Variants in SLC71A2 observed in about 807,000 individuals in gnomAD.
The protein encoded by SLC71A2 is hippocampus abundant transcript-like 1.
At chr9:94,427,822 G>A in the SLC71A2 span, among the ~76,000 whole-genome samples, 2 of 145,860 alleles carry the variant, frequency 1.4e-5, no homozygotes, top group African/African-American at 5.2e-5. Flanking sequence ...GAGACAATGG[G>A]TTAATAATGG....
At chr9:94,424,293 GGT>G in the SLC71A2 span, among the ~76,000 whole-genome samples, 1 of 151,968 alleles carries the variant, frequency 6.6e-6, no homozygotes, top group East Asian at 1.9e-4. Flanking sequence ...GGAGTGCAGT[GGT>G]GCGATCTCGG....
At chr9:94,459,506 C>A in the SLC71A2 span, 1 of 1,365,944 alleles carries the variant, frequency 7.3e-7, no homozygotes, top group South Asian at 1.4e-5. Flanking sequence ...ATGGGAGACG[C>A]TAGCGGCATC....
At chr9:94,416,507 C>T in the SLC71A2 span, among the ~76,000 whole-genome samples, 21 of 152,324 alleles carry the variant, frequency 1.4e-4, no homozygotes, top group South Asian at 8.3e-4. Context: ...GTTAGCCTTA[C>T]GTAAGACTTT....
At chr9:94,399,176 T>G in the SLC71A2 span, among the ~76,000 whole-genome samples, 1 of 152,210 alleles carries the variant, frequency 6.6e-6, no homozygotes, top group African/African-American at 2.4e-5. Context: ...ACAGTTGTTT[T>G]GGGGGCCTGA....
chr9:94,453,797 C>T, the SLC71A2 span, among the ~76,000 whole-genome samples: 1 of 152,136 alleles, frequency 6.6e-6, no homozygotes, highest in Admixed American at 6.5e-5. Context: ...CACTCCACCC[C>T]TGTAGAAGGT....
chr9:94,382,017 T>C, the SLC71A2 span, among the ~76,000 whole-genome samples: 3 of 151,912 alleles, frequency 2.0e-5, no homozygotes, highest in African/African-American at 7.3e-5. Flanking sequence ...TCAGTATCTT[T>C]CCATAAGTTT....
chr9:94,448,987 G>A, the SLC71A2 span, among the ~76,000 whole-genome samples: 22 of 152,182 alleles, frequency 1.4e-4, no homozygotes, highest in African/African-American at 4.8e-4. Context: ...TAGAGATTTA[G>A]AGGGAAGAAT....
chr9:94,456,693 C>T, the SLC71A2 span, among the ~76,000 whole-genome samples: 4 of 152,080 alleles, frequency 2.6e-5, no homozygotes, highest in Non-Finnish European at 4.4e-5. Flanking sequence ...CAGTTAACCA[C>T]GAGTTACTTA....
chr9:94,400,380 A>G, the SLC71A2 span, among the ~76,000 whole-genome samples: 7 of 152,014 alleles, frequency 4.6e-5, no homozygotes, highest in Non-Finnish European at 8.8e-5. Context: ...GGAGACAAAT[A>G]TAAGTTTTAG....
chr9:94,404,728 C>T, the SLC71A2 span, among the ~76,000 whole-genome samples: 1 of 152,112 alleles, frequency 6.6e-6, no homozygotes, highest in Admixed American at 6.6e-5. Flanking sequence ...ATTATATATT[C>T]TAGGTATTAA....
chr9:94,453,711 C>T, the SLC71A2 span, among the ~76,000 whole-genome samples: 1 of 152,170 alleles, frequency 6.6e-6, no homozygotes, highest in African/African-American at 2.4e-5. Flanking sequence ...GAAGTGCCAG[C>T]AGAGCACCAG....
At chr9:94,401,287 T>G in the SLC71A2 span, among the ~76,000 whole-genome samples, 1 of 152,122 alleles carries the variant, frequency 6.6e-6, no homozygotes, top group African/African-American at 2.4e-5. Flanking sequence ...TTCTCCTGCC[T>G]CAGCCTCCCA....
the SLC71A2 span, among the ~76,000 whole-genome samples, chr9:94,455,269 A>C: frequency 1.4e-5 from 2 of 147,402 alleles, no homozygotes; most frequent in East Asian, 3.9e-4. Flanking sequence ...GCCAGCCTCA[A>C]GCGATCCTCC....
chr9:94,458,823 T>C, the SLC71A2 span, among the ~76,000 whole-genome samples: 1 of 152,194 alleles, frequency 6.6e-6, no homozygotes, highest in Non-Finnish European at 1.5e-5. Context: ...TTGTTCCCTC[T>C]AAGCCATATC....
chr9:94,394,297 A>T, the SLC71A2 span, among the ~76,000 whole-genome samples: 2 of 98,886 alleles, frequency 2.0e-5, no homozygotes, highest in Non-Finnish European at 4.5e-5. Context: ...TGGAGAGATA[A>T]CCAGTAAAAT....
At chr9:94,452,559 T>G in the SLC71A2 span, among the ~76,000 whole-genome samples, 29 of 151,064 alleles carry the variant, frequency 1.9e-4, no homozygotes, top group Non-Finnish European at 3.1e-4. Flanking sequence ...ATTGCGCCAC[T>G]GCACTCCAGC....
the SLC71A2 span, chr9:94,456,338 G>T: frequency 1.2e-6 from 2 of 1,612,608 alleles, no homozygotes; most frequent in Non-Finnish European, 1.7e-6. Flanking sequence ...GATCAGCAAG[G>T]TGAGGTCACT....
chr9:94,460,239 C>T, the SLC71A2 span: 2 of 152,488 alleles, frequency 1.3e-5, no homozygotes, highest in Non-Finnish European at 2.9e-5. Flanking sequence ...TTGGAAATTC[C>T]TAAGTAGGAT....
At chr9:94,451,517 T>C in the SLC71A2 span, 2 of 1,560,606 alleles carry the variant, frequency 1.3e-6, no homozygotes. Context: ...ATTCTGTCTA[T>C]TGTGGCTCAG....
Sources: gnomAD v4.1 joint callset for allele counts (sites outside exome capture counted in the v4.1 genomes callset) on GRCh38, gnomAD v4.1.1 for gene constraint, MANE v1.5 for transcripts, NCBI Gene and HGNC (gene_info 2026-07-23, HGNC 2026-07-21) for gene names.